The following PYGB variants were observed in gnomAD, a reference collection of about 807,000 sequenced individuals.
PYGB encodes the protein glycogen phosphorylase B.
In PYGB, 82 loss-of-function variants were observed where a neutral mutation model predicts 94.3. The ratio of observed to expected loss-of-function variants is 0.87; its 90% CI spans 0.73 to 1.04. The LOEUF is 1.04. PYGB is among the 50% of genes least tolerant of loss of function. The pLI is 0.00. For synonymous variants in PYGB, 488 were observed against 479.1 expected, an observed-to-expected ratio of 1.02 and a Z score of -0.24; for missense variants, 1,132 against 1,158.2, an observed-to-expected ratio of 0.98 and a Z score of 0.33.
rs775018186 is a variant in PYGB, at chr20:25,288,423, A to T, written c.1769-2A>T. On this transcript the variant is annotated splice_acceptor_variant, in intron 14 of 19. Transcript: ENST00000216962. LOFTEE classifies it high-confidence loss of function. Reference sequence around the variant, plus strand: ...TGTGAGTCTCTTCCGTGTGTCCTGCAGGAATCAAGAGAGACCCGGCCAAGG... The same window carrying T: ...TGTGAGTCTCTTCCGTGTGTCCTGCTGGAATCAAGAGAGACCCGGCCAAGG... 6.2e-7 allele frequency: 1 copy of T among 1,614,178 alleles called. No individual in the cohort carries two copies.
At chr20:25,286,206 T>C (rs893369130) in intron 14 of PYGB, among the ~76,000 whole-genome samples, 9 of 152,366 alleles carry the variant, frequency 5.9e-5, no homozygotes, top group Middle Eastern at 3.4e-3. Context: ...AGTTGTCTGT[T>C]TGAAACGTGT....
At chr20:25,250,367 G>GT (rs1410721088) in intron 1 of PYGB, among the ~76,000 whole-genome samples, 1 of 152,164 alleles carries the variant, frequency 6.6e-6, no homozygotes, top group African/African-American at 2.4e-5. Flanking sequence ...AACAAAACAG[G>GT]TTTTTTGATC....
chr20:25,282,702 C>T (rs1353839907), intron 12 of PYGB, among the ~76,000 whole-genome samples: 1 of 152,172 alleles, frequency 6.6e-6, no homozygotes, highest in Non-Finnish European at 1.5e-5. Flanking sequence ...CCCCTGGGAC[C>T]TGGAAAGCAG....
rs1192570994 is a variant in PYGB at position 25,259,324 on chromosome 20, G to T, written c.331G>T (p.Glu111Ter). ...VNLGLQNACD[E>*]AIYQLGLDLE... ...CCTGGGCCTTCAGAATGCCTGCGAT[G>T]AAGCCATCTATCAGGTACAGAGCCT... The change falls in exon 2 of 20, where the codon GAA becomes TAA. Residue 111 changes from glutamate to a stop codon, truncating the protein, a stop_gained. Transcript: ENST00000216962. LOFTEE classifies it high-confidence loss of function. 1 of 1,608,004 alleles carries T rather than the reference G, an allele frequency of 6.2e-7. No individual in the cohort carries two copies. Among genetic ancestry groups the T allele is most frequent in the South Asian group, 1.1e-5 (1 of 90,942 alleles).
chr20:25,263,465 C>G (rs4619688), intron 2 of PYGB, among the ~76,000 whole-genome samples: 59,477 of 151,992 alleles, frequency 0.39, 13,046 homozygotes, highest in East Asian at 0.92. Flanking sequence ...ACACAAAAAA[C>G]TCTTAAAAAA....
intron 2 of PYGB, among the ~76,000 whole-genome samples, chr20:25,260,880 G>C (rs1201830438): frequency 6.6e-6 from 1 of 152,228 alleles, no homozygotes; most frequent in African/African-American, 2.4e-5. Flanking sequence ...CTCACTCATT[G>C]CTAGCACAAC....
chr20:25,262,708 A>G (rs1283350644), intron 2 of PYGB, among the ~76,000 whole-genome samples: 1 of 151,118 alleles, frequency 6.6e-6, no homozygotes, highest in African/African-American at 2.5e-5. Context: ...AGTGTGCTGT[A>G]TTCAGGAGAC....
In PYGB at chr20:25,283,291, T is replaced by C. The variant is rs1416590039; in HGVS notation, c.1620+14T>C. 7 of 1,606,852 alleles carry C rather than the reference T, an allele frequency of 4.4e-6. No homozygotes were observed. The East Asian group carries it at 8.9e-5, about 20-fold the overall frequency. ...AAGGTCAAACAGGTAGGCATGGCCC[T>C]GGCCCCAGCCCCGACCCCAGCCCTC... On this transcript the variant is annotated intron_variant, in intron 13 of 19. Transcript: ENST00000216962.
chr20:25,282,021 C>G lies in PYGB; in HGVS notation c.1404-12C>G. On this transcript the variant is annotated splice_polypyrimidine_tract_variant and intron_variant, in intron 11 of 19. Transcript: ENST00000216962. ...AGCATTTGTGACAGTTCCCTGTTCT[C>G]TGTGTTTGCAGCTTTAAGGATTTTT... 1.3e-6 allele frequency: 2 copies of G among 1,593,310 alleles called. No homozygotes were observed. Among genetic ancestry groups the G allele is most frequent in the East Asian group, 4.5e-5 (2 of 44,746 alleles).
At chr20:25,281,923 C>G in intron 11 of PYGB, 110 bp from the exon 12 acceptor site, 1 of 923,908 alleles carries the variant, frequency 1.1e-6, no homozygotes, top group Non-Finnish European at 1.7e-6. Flanking sequence ...CAGAACAGAA[C>G]CACTGAGCTT....
chr20:25,255,051 G>T (rs1333994772), intron 1 of PYGB, among the ~76,000 whole-genome samples: 1 of 152,222 alleles, frequency 6.6e-6, no homozygotes, highest in Non-Finnish European at 1.5e-5. Context: ...CTGTTCATGG[G>T]AAGCCAAGTT....
At chr20:25,267,164 G>A (rs555526456) in intron 2 of PYGB, among the ~76,000 whole-genome samples, 3 of 152,272 alleles carry the variant, frequency 2.0e-5, no homozygotes, top group South Asian at 2.1e-4. Context: ...GTACAAAGAC[G>A]GGAAGGGCTG....
chr20:25,264,804 A>G (rs1216540200), intron 2 of PYGB, among the ~76,000 whole-genome samples: 1 of 152,270 alleles, frequency 6.6e-6, no homozygotes, highest in Non-Finnish European at 1.5e-5. Flanking sequence ...AGAACATTCC[A>G]TGCTCATGGA....
At chr20:25,283,399 G>A (rs2088387338) in intron 13 of PYGB, 122 bp downstream of exon 13, 1 of 829,180 alleles carries the variant, frequency 1.2e-6, no homozygotes, top group East Asian at 2.7e-5. Context: ...GGCTTTAGTG[G>A]GGACTCAGAA....
intron 15 of PYGB, chr20:25,290,078 C>G (rs1189015953): frequency 2.4e-6 from 1 of 414,564 alleles, no homozygotes; most frequent in Non-Finnish European, 4.9e-6. Context: ...CTGTCTGTTA[C>G]AGACATCGGG....
intron 1 of PYGB, among the ~76,000 whole-genome samples, chr20:25,255,948 G>A (rs917806610): frequency 2.0e-5 from 3 of 152,088 alleles, no homozygotes; most frequent in African/African-American, 7.2e-5. Context: ...GGCCAGGCTG[G>A]TCTTGAGCTC....
At chr20:25,258,934 C>T (rs1229098557) in intron 1 of PYGB, among the ~76,000 whole-genome samples, 1 of 152,232 alleles carries the variant, frequency 6.6e-6, no homozygotes, top group Non-Finnish European at 1.5e-5. Context: ...GTTCTGGGTG[C>T]CTTGGCCCCA....
rs540014006 is a variant in PYGB at position 25,277,193 on chromosome 20, T to C, written c.773-51T>C. 4.9e-6 allele frequency: 7 copies of C among 1,439,146 alleles called. No homozygotes were observed. The East Asian group carries it at 1.6e-4, about 33-fold the overall frequency. 89.1% of individuals were successfully genotyped at this position (1,439,146 alleles called of 1,614,324 possible). ...CAAGTAGGCCCCTGAGCGGTTGCAGTGCTGGTGCCAGGAGGCATGTGTGTG... is the reference window on the plus strand; with the variant it reads ...CAAGTAGGCCCCTGAGCGGTTGCAGCGCTGGTGCCAGGAGGCATGTGTGTG... On this transcript the variant is annotated intron_variant, in intron 6 of 19. Coordinates refer to ENST00000216962, the MANE Select transcript of PYGB (RefSeq NM_002862.4).
intron 1 of PYGB, among the ~76,000 whole-genome samples, chr20:25,256,717 G>A (rs1184890926): frequency 6.6e-6 from 1 of 152,154 alleles, no homozygotes; most frequent in Admixed American, 6.5e-5. Context: ...TCCAACCAGC[G>A]CTCCCTGAGC....
Sources: gnomAD v4.1 joint callset for allele counts (sites outside exome capture counted in the v4.1 genomes callset) on GRCh38, gnomAD v4.1.1 for gene constraint, MANE v1.5 for transcripts, NCBI Gene and HGNC (gene_info 2026-07-23, HGNC 2026-07-21) for gene names.